Variants in PCDHAC1 observed in about 807,000 individuals in gnomAD.
PCDHAC1 encodes the protein protocadherin alpha-C1.
In PCDHAC1, 42 loss-of-function variants were observed where a neutral mutation model predicts 60.0. The ratio of observed to expected loss-of-function variants is 0.70; its 90% CI spans 0.55 to 0.90. The LOEUF is 0.90. Ranked by LOEUF, PCDHAC1 falls within the 40% of genes least tolerant of loss-of-function variation. PCDHAC1 has a pLI of 0.00. For synonymous variants in PCDHAC1, 468 were observed against 499.3 expected (o/e 0.94, Z 0.84); for missense variants, 1,160 against 1,222.3 (o/e 0.95, Z 0.76).
chr5:140,935,318 T>A (rs1554210460), intron 1 of PCDHAC1, among the ~76,000 whole-genome samples: 1 of 152,194 alleles, frequency 6.6e-6, no homozygotes, highest in African/African-American at 2.4e-5. Flanking sequence ...TTCATCAATC[T>A]TACATTCCTA....
Position 140,932,626 on chromosome 5 carries a change from C to T in PCDHAC1, c.2433+3301C>T, listed in dbSNP as rs965543719. 1.2e-4 allele frequency among the ~76,000 whole-genome samples: 18 copies of T among 151,670 alleles called. 1 individual carries two copies. The highest frequency in any genetic ancestry group is 8.9e-5 in the Non-Finnish European group (6 of 67,754). On this transcript the variant is annotated intron_variant, in intron 1 of 3. Coordinates refer to ENST00000253807, the MANE Select transcript of PCDHAC1 (RefSeq NM_018898.5). ...TTTGACTTTGAAGCTGATAACCACA[C>T]TAAAAAACTTTAGAATGATGAAACT...
chr5:140,927,758 A>G lies in PCDHAC1; in HGVS notation c.866A>G (p.Lys289Arg), dbSNP rs781942462. ...ELRHRFHVHP[K>R]SGEVQVAASL... ...CGACACCGCTTTCACGTGCACCCTA[A>G]AAGTGGGGAGGTGCAAGTAGCTGCT... is the stretch of plus-strand genomic sequence containing the variant. Residue 289 changes from lysine (K) to arginine (R), a missense_variant, in exon 1 of 4, where the codon AAA becomes AGA. Physicochemically the swap from Lys to Arg is conservative, Grantham distance 26. Coordinates refer to ENST00000253807, the MANE Select transcript of PCDHAC1 (RefSeq NM_018898.5). 6.2e-7 allele frequency: 1 copy of G among 1,614,170 alleles called. No homozygotes were observed. Among genetic ancestry groups the G allele is most frequent in the Non-Finnish European group, 8.5e-7 (1 of 1,180,006 alleles).
At chr5:140,941,210 TC>T (rs2092849552) in intron 1 of PCDHAC1, among the ~76,000 whole-genome samples, 1 of 100,630 alleles carries the variant, frequency 9.9e-6, no homozygotes, top group African/African-American at 5.4e-5. Flanking sequence ...TTCCTTTCTT[TC>T]TTCCTTTCTT....
chr5:140,965,445 G>T (rs1460508023), intron 1 of PCDHAC1, among the ~76,000 whole-genome samples: 1 of 151,794 alleles, frequency 6.6e-6, no homozygotes, highest in Non-Finnish European at 1.5e-5. Flanking sequence ...TGAAATTGCT[G>T]GTTATTGTAA....
chr5:140,977,850 T>C (rs1416064195), intron 1 of PCDHAC1, among the ~76,000 whole-genome samples: 5 of 152,236 alleles, frequency 3.3e-5, no homozygotes, highest in African/African-American at 1.2e-4. Flanking sequence ...TATGGCTTTG[T>C]TTCTACCAAA....
In PCDHAC1 at chr5:140,999,778, T is replaced by G. The variant is rs1252583642; in HGVS notation, c.2582-9849T>G. On this transcript the variant is annotated intron_variant, in intron 3 of 3. Coordinates refer to ENST00000253807, the MANE Select transcript of PCDHAC1 (RefSeq NM_018898.5). ...ACATGATGTCTTTATACTCTTAACC[T>G]AGAAATGGCAGAGTTATTTTGGGCA... 3.0e-4 allele frequency among the ~76,000 whole-genome samples: 46 copies of G among 152,162 alleles called. 1 individual carries two copies.
At position 140,927,822 on chromosome 5, in the gene PCDHAC1, T is replaced by A. The variant is rs1554205109; in HGVS notation, c.930T>A (p.Ile310=). 1 of 1,614,152 alleles carries A rather than the reference T, an allele frequency of 6.2e-7. No individual in the cohort carries two copies. The highest frequency in any genetic ancestry group is 1.7e-5 in the Admixed American group (1 of 60,024). Residue 310 remains isoleucine (I), a synonymous_variant, in exon 1 of 4, where the codon ATT becomes ATA. Transcript: ENST00000253807. ...CTGAAACGCTCTTGGAGGCATACAT[T>A]GAGGCGAGGGACGAAGGTGTCTTTG... The part of the protein sequence containing the change: ...GPPETLLEAY[I]EARDEGVFGL...
intron 1 of PCDHAC1, chr5:140,966,588 G>A: frequency 3.6e-6 from 2 of 558,362 alleles, no homozygotes; most frequent in Non-Finnish European, 5.7e-6. Flanking sequence ...GAGGACGGTG[G>A]GGCCAGGAGC....
At chr5:140,955,296 G>A (rs1554221862) in intron 1 of PCDHAC1, among the ~76,000 whole-genome samples, 1 of 151,904 alleles carries the variant, frequency 6.6e-6, no homozygotes, top group Admixed American at 6.6e-5. Context: ...GTTTGGCTGT[G>A]TCCCCACCCA....
intron 1 of PCDHAC1, 81 bp from the exon 2 acceptor site, chr5:140,978,868 G>A: frequency 6.2e-7 from 1 of 1,606,078 alleles, no homozygotes; most frequent in Non-Finnish European, 8.5e-7. Context: ...ATATTTAAGG[G>A]AGTAACTAAT....
At chr5:140,933,119 G>A (rs782069505) in intron 1 of PCDHAC1, among the ~76,000 whole-genome samples, 1 of 151,936 alleles carries the variant, frequency 6.6e-6, no homozygotes, top group African/African-American at 2.4e-5. Context: ...AAGAAACAAA[G>A]CTAAATAATA....
intron 1 of PCDHAC1, among the ~76,000 whole-genome samples, chr5:140,937,364 T>C (rs1471697724): frequency 6.6e-6 from 1 of 152,150 alleles, no homozygotes; most frequent in African/African-American, 2.4e-5. Flanking sequence ...TATTTTATCT[T>C]AATGTTTATG....
Position 141,012,283 on chromosome 5 carries a change from AT to A in PCDHAC1, c.*2350del, listed in dbSNP as rs1313163740. 6.5e-6 allele frequency: 1 copy of A among 153,798 alleles called. No homozygotes were observed. Among genetic ancestry groups the A allele is most frequent in the Non-Finnish European group, 1.5e-5 (1 of 68,046 alleles). The allele number at this position is 153,798 out of a possible 1,614,324, so 9.5% of individuals were successfully genotyped here. ...AGGATAAAACACGTCATGTGGATTC[AT>A]TTTGAATTGGTGCTATTGGTATTTC... On this transcript the variant is annotated 3_prime_UTR_variant, in exon 4 of 4. Coordinates refer to ENST00000253807, the MANE Select transcript of PCDHAC1 (RefSeq NM_018898.5).
At chr5:140,966,744 T>A in intron 1 of PCDHAC1, 1 of 1,424,124 alleles carries the variant, frequency 7.0e-7, no homozygotes. Flanking sequence ...CCTGCCCGGC[T>A]GCCTCCGCCG....
chr5:140,968,866 A>C, intron 1 of PCDHAC1: 1 of 1,614,230 alleles, frequency 6.2e-7, no homozygotes, highest in Non-Finnish European at 8.5e-7. Context: ...GCCCTCGGAC[A>C]TACTCTGAAA....
At chr5:140,979,817 A>G (rs1228260788) in intron 2 of PCDHAC1, among the ~76,000 whole-genome samples, 1 of 152,262 alleles carries the variant, frequency 6.6e-6, no homozygotes, top group Non-Finnish European at 1.5e-5. Flanking sequence ...AAAAGGATTT[A>G]ATTTTAAAGA....
chr5:140,937,728 C>T (rs1180728000), intron 1 of PCDHAC1, among the ~76,000 whole-genome samples: 4 of 151,954 alleles, frequency 2.6e-5, no homozygotes, highest in African/African-American at 7.2e-5. Flanking sequence ...CTGGCTAACA[C>T]GGTGAAACCC....
At chr5:140,979,168 G>T in intron 2 of PCDHAC1, 161 bp downstream of exon 2, 6 of 966,502 alleles carry the variant, frequency 6.2e-6, no homozygotes, top group Non-Finnish European at 7.4e-6. Context: ...TTCCTTGAAA[G>T]ATCGCAAATG....
At chr5:140,979,063 A>G (rs1245308340) in intron 2 of PCDHAC1, 56 bp downstream of exon 2, 3 of 1,604,438 alleles carry the variant, frequency 1.9e-6, no homozygotes, top group East Asian at 4.5e-5. Context: ...TATGGCTCAG[A>G]TAAACTGCAT....
Sources: allele counts gnomAD v4.1 joint callset (sites outside exome capture counted in the v4.1 genomes callset), GRCh38; gene constraint gnomAD v4.1.1; transcripts MANE v1.5; gene names NCBI Gene and HGNC (gene_info 2026-07-23, HGNC 2026-07-21).